The following IL31RA variants were observed in gnomAD, a reference collection of about 807,000 sequenced individuals.
The protein encoded by IL31RA is interleukin-31 receptor subunit alpha.
IL31RA carries 66 observed loss-of-function variants against 83.7 expected under a neutral mutation model. The observed-to-expected ratio is 0.79, with a 90% CI of 0.65 to 0.97. The LOEUF is 0.97. IL31RA is among the 50% of genes least tolerant of loss of function. IL31RA has a pLI of 0.00. For synonymous variants in IL31RA, 325 were observed against 329.0 expected, an observed-to-expected ratio of 0.99 and a Z score of 0.13; for missense variants, 798 against 919.4, an observed-to-expected ratio of 0.87 and a Z score of 1.71.
chr5:55,890,254 C>A, intron 6 of IL31RA, 119 bp downstream of exon 6: 1 of 950,326 alleles, frequency 1.1e-6, no homozygotes, highest in Non-Finnish European at 1.7e-6. Context: ...ACCCCAGGGG[C>A]CCCCTGTACC....
chr5:55,886,293 A>ATTTTTTTT (rs1747611748), intron 5 of IL31RA, among the ~76,000 whole-genome samples: 1 of 35,810 alleles, frequency 2.8e-5, no homozygotes, highest in African/African-American at 1.6e-4. Context: ...TTTTTTTTTG[A>ATTTTTTTT]GGTGGAGTTT....
At chr5:55,910,469 T>A in intron 11 of IL31RA, 63 bp from the exon 12 acceptor site, 1 of 1,595,266 alleles carries the variant, frequency 6.3e-7, no homozygotes, top group African/African-American at 1.3e-5. Context: ...ATTTTGGTGC[T>A]ACTGGGACAC....
chr5:55,886,273 T>TGC, intron 5 of IL31RA, among the ~76,000 whole-genome samples: 1 of 136,126 alleles, frequency 7.3e-6, no homozygotes, highest in Non-Finnish European at 1.6e-5. Flanking sequence ...GCTTGCTTTT[T>TGC]TTTTTTTTTT....
upstream of IL31RA, among the ~76,000 whole-genome samples, chr5:55,847,330 C>T (rs1196471648): frequency 1.3e-5 from 2 of 151,694 alleles, no homozygotes; most frequent in African/African-American, 4.8e-5. Context: ...CGCAGTGGCT[C>T]ACACCTGTAA....
chr5:55,897,343 C>T (rs1748466537), intron 7 of IL31RA, among the ~76,000 whole-genome samples: 1 of 151,790 alleles, frequency 6.6e-6, no homozygotes, highest in Non-Finnish European at 1.5e-5. Context: ...ACGCTGGTCC[C>T]CCTCCTCTTT....
At chr5:55,839,849 TCAA>T in the IL31RA span, 1 of 753,472 alleles carries the variant, frequency 1.3e-6, no homozygotes, top group East Asian at 2.4e-5. Context: ...TGATTCAAGT[TCAA>T]CAAAAGCCTT....
chr5:55,867,093 G>GTGTGCA (rs1371027866), intron 2 of IL31RA, among the ~76,000 whole-genome samples: 3 of 100,612 alleles, frequency 3.0e-5, no homozygotes, highest in African/African-American at 1.1e-4. Flanking sequence ...GTTTGTGTGT[G>GTGTGCA]TGTGTTTGTG....
intron 1 of IL31RA, among the ~76,000 whole-genome samples, chr5:55,855,031 G>A (rs1745272954): frequency 2.0e-5 from 3 of 152,124 alleles, no homozygotes; most frequent in Admixed American, 2.0e-4. Flanking sequence ...CTGAGGCACT[G>A]AGAGAGGCTG....
At chr5:55,888,091 G>C (rs935646056) in intron 5 of IL31RA, among the ~76,000 whole-genome samples, 8 of 151,872 alleles carry the variant, frequency 5.3e-5, no homozygotes, top group Non-Finnish European at 1.2e-4. Context: ...TTTAGGTTTT[G>C]TATCAGAACT....
intron 4 of IL31RA, among the ~76,000 whole-genome samples, chr5:55,874,251 T>C (rs747353782): frequency 2.0e-5 from 3 of 152,142 alleles, no homozygotes; most frequent in Non-Finnish European, 4.4e-5. Context: ...TCTTCAATTC[T>C]ATTCCATTGA....
chr5:55,904,390 T>A (rs1580732199), intron 8 of IL31RA, among the ~76,000 whole-genome samples: 1 of 152,104 alleles, frequency 6.6e-6, no homozygotes, highest in East Asian at 1.9e-4. Flanking sequence ...AGAGTCTAGT[T>A]ACATCTCCAA....
chr5:55,914,538 T>C (rs1749676043), intron 13 of IL31RA, among the ~76,000 whole-genome samples: 1 of 152,196 alleles, frequency 6.6e-6, no homozygotes, highest in South Asian at 2.1e-4. Flanking sequence ...CTCAAAGGAA[T>C]GACTCTGTGA....
chr5:55,864,664 C>T (rs1745918686), intron 2 of IL31RA, among the ~76,000 whole-genome samples: 1 of 151,044 alleles, frequency 6.6e-6, no homozygotes, highest in Non-Finnish European at 1.5e-5. Flanking sequence ...CCAGCGGACA[C>T]ACACTATATA....
intron 2 of IL31RA, among the ~76,000 whole-genome samples, chr5:55,860,607 G>C (rs1324486822): frequency 6.6e-6 from 1 of 152,146 alleles, no homozygotes; most frequent in Non-Finnish European, 1.5e-5. Flanking sequence ...CATACTATTT[G>C]CCATAAAGGG....
chr5:55,855,346 G>C (rs1397057084), intron 1 of IL31RA, among the ~76,000 whole-genome samples: 1 of 151,502 alleles, frequency 6.6e-6, no homozygotes, highest in Non-Finnish European at 1.5e-5. Flanking sequence ...TTTAGAGACA[G>C]AGTCTTGCTA....
chr5:55,868,462 AC>A (rs1442223430), intron 2 of IL31RA, among the ~76,000 whole-genome samples: 1 of 152,170 alleles, frequency 6.6e-6, no homozygotes, highest in African/African-American at 2.4e-5. Context: ...GAGTGATTCT[AC>A]CATTTGATGC....
chr5:55,884,021 C>T (rs1352361837), intron 5 of IL31RA, among the ~76,000 whole-genome samples: 1 of 152,136 alleles, frequency 6.6e-6, no homozygotes, highest in African/African-American at 2.4e-5. Flanking sequence ...TTGCATTTAC[C>T]TGACCTTTAA....
intron 2 of IL31RA, among the ~76,000 whole-genome samples, chr5:55,863,220 T>A (rs1745797271): frequency 6.6e-6 from 1 of 152,266 alleles, no homozygotes; most frequent in Admixed American, 6.5e-5. Flanking sequence ...AATCCTCATA[T>A]GCAGAATTAA....
chr5:55,876,032 T>C (rs959756254), intron 4 of IL31RA, among the ~76,000 whole-genome samples: 8 of 152,220 alleles, frequency 5.3e-5, no homozygotes, highest in African/African-American at 1.9e-4. Context: ...AAAGTAATTG[T>C]GGTTTTTGCC....
Sources: allele counts gnomAD v4.1 joint callset (sites outside exome capture counted in the v4.1 genomes callset), GRCh38; gene constraint gnomAD v4.1.1; transcripts MANE v1.5; gene names NCBI Gene and HGNC (gene_info 2026-07-23, HGNC 2026-07-21).